The following TNFRSF19 variants were observed in gnomAD, a reference collection of about 807,000 sequenced individuals.
The protein encoded by TNFRSF19 is TNF receptor superfamily member 19.
In TNFRSF19, 27 loss-of-function variants were observed where a neutral mutation model predicts 46.4. The observed-to-expected ratio is 0.58, with a 90% CI of 0.43 to 0.80. The LOEUF (loss-of-function observed/expected upper bound fraction) is 0.80. Ranked by LOEUF, TNFRSF19 falls within the 30% of genes least tolerant of loss-of-function variation. TNFRSF19 has a pLI of 0.00. For synonymous variants in TNFRSF19, 204 were observed against 205.0 expected (o/e 1.00, Z 0.04); for missense variants, 511 against 530.8 (o/e 0.96, Z 0.37).
chr13:23,620,963 A>C (rs1881610115), intron 4 of TNFRSF19, among the ~76,000 whole-genome samples: 1 of 152,176 alleles, frequency 6.6e-6, no homozygotes. Context: ...CTCAGAGTGG[A>C]TAAATGACTT....
At chr13:23,575,855 G>A (rs942784056) in intron 1 of TNFRSF19, among the ~76,000 whole-genome samples, 1 of 152,068 alleles carries the variant, frequency 6.6e-6, no homozygotes, top group African/African-American at 2.4e-5. Flanking sequence ...TTCTTTCAGG[G>A]GTTTTTCAAG....
intron 4 of TNFRSF19, among the ~76,000 whole-genome samples, chr13:23,618,741 C>A (rs1396140164): frequency 6.6e-6 from 1 of 152,164 alleles, no homozygotes; most frequent in Non-Finnish European, 1.5e-5. Flanking sequence ...TACGTAATAG[C>A]CAAAAAACTG....
chr13:23,652,994 G>A (rs1422902862), intron 5 of TNFRSF19, among the ~76,000 whole-genome samples: 3 of 152,174 alleles, frequency 2.0e-5, no homozygotes, highest in Non-Finnish European at 1.5e-5. Context: ...CAGAAATATC[G>A]TGGCCTAAGT....
intron 3 of TNFRSF19, among the ~76,000 whole-genome samples, chr13:23,603,431 C>T (rs1289367535): frequency 6.6e-6 from 1 of 152,072 alleles, no homozygotes; most frequent in Non-Finnish European, 1.5e-5. Flanking sequence ...TCCACAACTT[C>T]TTCCAGAATA....
chr13:23,588,997 C>T (rs576851318), intron 1 of TNFRSF19, among the ~76,000 whole-genome samples: 4 of 152,338 alleles, frequency 2.6e-5, no homozygotes, highest in African/African-American at 9.6e-5. Flanking sequence ...CAGCCTGCAG[C>T]GGAGGCAGCT....
chr13:23,581,159 G>A (rs1377259215), intron 1 of TNFRSF19, among the ~76,000 whole-genome samples: 17 of 139,968 alleles, frequency 1.2e-4, no homozygotes, highest in African/African-American at 4.7e-4. Context: ...ACGGAGTCTC[G>A]CTCTGTCACC....
chr13:23,645,260 T>C (rs935352062), intron 5 of TNFRSF19, among the ~76,000 whole-genome samples: 2 of 152,194 alleles, frequency 1.3e-5, no homozygotes, highest in Non-Finnish European at 2.9e-5. Flanking sequence ...TGGAATGCAG[T>C]CGTGTGATCT....
In TNFRSF19 at chr13:23,668,591, C is replaced by T. The variant is rs1951690642; in HGVS notation, c.840-101C>T. 9 of 1,344,898 alleles carry T rather than the reference C, an allele frequency of 6.7e-6. No homozygotes were observed. The South Asian group carries it at 1.0e-4, about 15-fold the overall frequency. 83.3% of individuals were successfully genotyped at this position (1,344,898 alleles called of 1,614,324 possible). ...ACTAGAATTCTGATGCAGTAAATTG[C>T]TATTTCATTTAGAAGACCTAAAATT... On this transcript the variant is annotated intron_variant, in intron 8 of 9. Coordinates refer to ENST00000248484, the MANE Select transcript of TNFRSF19 (RefSeq NM_148957.4).
At chr13:23,599,800 G>A (rs1880005145) in intron 3 of TNFRSF19, among the ~76,000 whole-genome samples, 1 of 152,062 alleles carries the variant, frequency 6.6e-6, no homozygotes, top group Admixed American at 6.6e-5. Flanking sequence ...AATTCCGGAA[G>A]GGAGGAGGGT....
chr13:23,586,584 C>T (rs1313057158), intron 1 of TNFRSF19, among the ~76,000 whole-genome samples: 1 of 152,212 alleles, frequency 6.6e-6, no homozygotes, highest in Non-Finnish European at 1.5e-5. Context: ...GGCGTGGTGA[C>T]ACGCTAGCAC....
At chr13:23,588,273 A>G (rs993965196) in intron 1 of TNFRSF19, among the ~76,000 whole-genome samples, 2 of 152,180 alleles carry the variant, frequency 1.3e-5, no homozygotes, top group Admixed American at 1.3e-4. Context: ...TGGTCTCAAT[A>G]ACAACAGCAG....
chr13:23,640,014 T>C (rs544680951), intron 5 of TNFRSF19, among the ~76,000 whole-genome samples: 1 of 152,248 alleles, frequency 6.6e-6, no homozygotes, highest in South Asian at 2.1e-4. Context: ...ATCAACTCAC[T>C]TTATAGTTTT....
chr13:23,584,490 G>T (rs957469397), intron 1 of TNFRSF19, among the ~76,000 whole-genome samples: 1 of 152,032 alleles, frequency 6.6e-6, no homozygotes, highest in African/African-American at 2.4e-5. Context: ...GGGCATTTGG[G>T]CTGGTTACAT....
chr13:23,615,770 G>C, intron 3 of TNFRSF19, 97 bp from the exon 4 acceptor site: 1 of 1,296,568 alleles, frequency 7.7e-7, no homozygotes. Flanking sequence ...CCGACACTTG[G>C]TAATTATTAG....
intron 5 of TNFRSF19, among the ~76,000 whole-genome samples, chr13:23,640,426 C>T (rs532268736): frequency 9.0e-4 from 137 of 152,274 alleles, no homozygotes; most frequent in Middle Eastern, 3.4e-3. Context: ...CAGCCTTCCT[C>T]GATGACTAAC....
chr13:23,648,356 C>T lies in TNFRSF19; in HGVS notation c.446-10694C>T, dbSNP rs148058090. 1.6e-3 allele frequency among the ~76,000 whole-genome samples: 241 copies of T among 152,092 alleles called. No homozygotes were observed. In the Middle Eastern group the frequency reaches 0.017, roughly 11 times the overall value. On this transcript the variant is annotated intron_variant, in intron 5 of 9. Transcript: ENST00000248484. The stretch of plus-strand genomic sequence containing the variant: ...TTTAGTCTTTTTGATATTTTGTAAA[C>T]GGAATTATTTTCTTAATCTGCTTCT...
chr13:23,640,811 A>G (rs1003295142), intron 5 of TNFRSF19, among the ~76,000 whole-genome samples: 1 of 152,226 alleles, frequency 6.6e-6, no homozygotes, highest in East Asian at 1.9e-4. Flanking sequence ...TAGTAGAACT[A>G]AAAACATAGG....
intron 5 of TNFRSF19, among the ~76,000 whole-genome samples, chr13:23,653,737 G>T (rs1342615952): frequency 6.6e-6 from 1 of 152,194 alleles, no homozygotes; most frequent in Non-Finnish European, 1.5e-5. Flanking sequence ...TGCCAAGTAG[G>T]CTGTGAGATG....
At chr13:23,637,069 G>A (rs1383594318) in intron 5 of TNFRSF19, among the ~76,000 whole-genome samples, 2 of 151,786 alleles carry the variant, frequency 1.3e-5, no homozygotes, top group Admixed American at 1.3e-4. Flanking sequence ...AAACCCAAGT[G>A]AAACACGTAT....
Sources: gnomAD v4.1 joint callset for allele counts (sites outside exome capture counted in the v4.1 genomes callset) on GRCh38, gnomAD v4.1.1 for gene constraint, MANE v1.5 for transcripts, NCBI Gene and HGNC (gene_info 2026-07-23, HGNC 2026-07-21) for gene names.